The following LRP1B variants were observed in gnomAD, a reference collection of about 807,000 sequenced individuals.
The protein encoded by LRP1B is low-density lipoprotein receptor-related protein 1B.
In LRP1B, 217 loss-of-function variants were observed where a neutral mutation model predicts 556.6. That is an observed-to-expected ratio of 0.39 (90% CI 0.35 to 0.44). The LOEUF is 0.44. Among genes scored for constraint, LRP1B ranks in the 20% least tolerant of loss-of-function variants. The pLI, the probability that LRP1B is intolerant of heterozygous loss-of-function variation, is 1.00. For synonymous variants in LRP1B, 2,047 were observed against 1,865.8 expected (o/e 1.10, Z -2.50); for missense variants, 5,053 against 5,620.8 (o/e 0.90, Z 3.23).
chr2:141,072,211 A>T (rs1266303846), intron 7 of LRP1B, among the ~76,000 whole-genome samples: 1 of 152,114 alleles, frequency 6.6e-6, no homozygotes, highest in Non-Finnish European at 1.5e-5. Flanking sequence ...TTATGCTCAA[A>T]TGGTAAAATC....
At chr2:141,326,255 T>C (rs892003069) in intron 3 of LRP1B, among the ~76,000 whole-genome samples, 1 of 152,142 alleles carries the variant, frequency 6.6e-6, no homozygotes, top group Admixed American at 6.5e-5. Flanking sequence ...GCGATGTAAG[T>C]GATTTGATAA....
Position 140,457,503 on chromosome 2 carries a change from G to A in LRP1B, c.9774C>T (p.Ile3258=), listed in dbSNP as rs2105323784. The A allele has an allele frequency of 6.2e-7, 1 of 1,613,748 alleles. No homozygotes were observed. The change falls in exon 61 of 91, where the codon ATC becomes ATT. Residue 3258 remains isoleucine (I), a synonymous_variant. Coordinates refer to ENST00000389484, the MANE Select transcript of LRP1B (RefSeq NM_018557.3). ...AAGAATGATACACCTGGATATCTGT[G>A]ATGGCATGCCATGAGTAAATCAGTG... is the stretch of plus-strand genomic sequence containing the variant. The part of the protein sequence containing the change: ...RLSLIYSWHA[I]TDIQVYHSYR...
intron 3 of LRP1B, among the ~76,000 whole-genome samples, chr2:141,475,561 G>A (rs1342572278): frequency 6.6e-6 from 1 of 151,994 alleles, no homozygotes; most frequent in African/African-American, 2.4e-5. Flanking sequence ...GCCCTAAATG[G>A]GAACAGGCAT....
intron 2 of LRP1B, among the ~76,000 whole-genome samples, chr2:141,714,325 A>G (rs1692485339): frequency 6.6e-6 from 1 of 152,104 alleles, no homozygotes; most frequent in Non-Finnish European, 1.5e-5. Flanking sequence ...AATGAATGCT[A>G]TTGCTGCTAA....
At chr2:141,546,093 C>T (rs1180258786) in intron 2 of LRP1B, among the ~76,000 whole-genome samples, 1 of 152,148 alleles carries the variant, frequency 6.6e-6, no homozygotes, top group Non-Finnish European at 1.5e-5. Flanking sequence ...AGCCCCCAAA[C>T]CTAGGTAAGT....
intron 6 of LRP1B, among the ~76,000 whole-genome samples, chr2:141,192,796 GA>G (rs909002320): frequency 1.5e-4 from 22 of 151,064 alleles, no homozygotes; most frequent in Non-Finnish European, 2.7e-4. Flanking sequence ...AAAAGTAGAA[GA>G]AAAAAAGAAT....
intron 37 of LRP1B, among the ~76,000 whole-genome samples, chr2:140,706,730 C>G (rs185378114): frequency 6.6e-6 from 1 of 152,040 alleles, no homozygotes; most frequent in African/African-American, 2.4e-5. Context: ...CCTAGCAAAC[C>G]CTTAATGGAC....
chr2:141,262,514 T>G, intron 3 of LRP1B, among the ~76,000 whole-genome samples: 1 of 152,218 alleles, frequency 6.6e-6, no homozygotes, highest in South Asian at 2.1e-4. Context: ...AATCCATTAC[T>G]GACTCAATTT....
At chr2:140,378,072 G>T in intron 68 of LRP1B, 108 bp downstream of exon 68, 2 of 696,656 alleles carry the variant, frequency 2.9e-6, no homozygotes, top group Non-Finnish European at 5.0e-6. Flanking sequence ...TGTGTCAGGA[G>T]CAAAGTATTT....
At chr2:140,936,806 A>T (rs530678855) in intron 20 of LRP1B, among the ~76,000 whole-genome samples, 70 of 152,222 alleles carry the variant, frequency 4.6e-4, no homozygotes, top group South Asian at 1.5e-3. Flanking sequence ...ATGTGTTTTT[A>T]AAAAAATTAT....
intron 37 of LRP1B, among the ~76,000 whole-genome samples, chr2:140,713,532 TA>T (rs1687109625): frequency 6.6e-6 from 1 of 152,026 alleles, no homozygotes; most frequent in African/African-American, 2.4e-5. Context: ...ACTCTGATCT[TA>T]GCTTCTGTAT....
chr2:140,816,696 G>A (rs978442808), intron 31 of LRP1B, among the ~76,000 whole-genome samples: 1 of 151,508 alleles, frequency 6.6e-6, no homozygotes, highest in Non-Finnish European at 1.5e-5. Context: ...AATGTTCTTG[G>A]GTGCATTTAT....
At position 140,778,527 on chromosome 2, in the gene LRP1B, TGG is replaced by T. The variant is rs1689578672; in HGVS notation, c.5360-2291_5360-2290del. ...ATGGTATAATGAAACATGTCTACAC[TGG>T]GAAGATATACATAACTGAAAGAAGC... is the stretch of plus-strand genomic sequence containing the variant. On this transcript the variant is annotated intron_variant, in intron 32 of 90. Coordinates refer to ENST00000389484, the MANE Select transcript of LRP1B (RefSeq NM_018557.3). Among the ~76,000 whole-genome samples the T allele has an allele frequency of 2.6e-5, 4 of 152,172 alleles. No homozygotes were observed. The South Asian group carries it at 8.3e-4, about 32-fold the overall frequency.
intron 5 of LRP1B, among the ~76,000 whole-genome samples, chr2:141,237,489 A>G (rs553887770): frequency 6.6e-6 from 1 of 152,100 alleles, no homozygotes; most frequent in South Asian, 2.1e-4. Context: ...TATAGGCATG[A>G]GCCACTGTGC....
At chr2:141,083,736 C>T (rs1699981730) in intron 7 of LRP1B, among the ~76,000 whole-genome samples, 1 of 152,040 alleles carries the variant, frequency 6.6e-6, no homozygotes, top group Non-Finnish European at 1.5e-5. Flanking sequence ...GAAAAAGAGA[C>T]CAGAGTTAGT....
chr2:141,943,625 A>G (rs974007129), intron 1 of LRP1B, among the ~76,000 whole-genome samples: 3 of 152,090 alleles, frequency 2.0e-5, no homozygotes, highest in African/African-American at 7.2e-5. Flanking sequence ...AAACCTCCAT[A>G]ATGTTGAAAA....
intron 1 of LRP1B, among the ~76,000 whole-genome samples, chr2:142,055,812 T>C (rs1300750698): frequency 2.6e-5 from 4 of 152,172 alleles, no homozygotes; most frequent in African/African-American, 9.6e-5. Context: ...TAAAAATTTG[T>C]ATATGAGTGT....
intron 1 of LRP1B, among the ~76,000 whole-genome samples, chr2:141,823,160 G>T (rs1302547553): frequency 1.3e-5 from 2 of 152,142 alleles, no homozygotes; most frequent in African/African-American, 4.8e-5. Context: ...CATGTGGCCA[G>T]TGCTGAGGAA....
intron 3 of LRP1B, among the ~76,000 whole-genome samples, chr2:141,280,090 G>A (rs1389883540): frequency 6.6e-6 from 1 of 152,040 alleles, no homozygotes; most frequent in Non-Finnish European, 1.5e-5. Context: ...CAATTTTAGA[G>A]TTTTTAAAAG....
Sources: gnomAD v4.1 joint callset for allele counts (sites outside exome capture counted in the v4.1 genomes callset) on GRCh38, gnomAD v4.1.1 for gene constraint, MANE v1.5 for transcripts, NCBI Gene and HGNC (gene_info 2026-07-23, HGNC 2026-07-21) for gene names.